Variants in FBXL13 observed in about 807,000 individuals in gnomAD.
The protein encoded by FBXL13 is F-box and leucine-rich repeat protein 13.
A neutral mutation model predicts 83.6 loss-of-function variants in FBXL13; 67 were observed. The ratio of observed to expected loss-of-function variants is 0.80; its 90% CI spans 0.66 to 0.98. The LOEUF (loss-of-function observed/expected upper bound fraction) is 0.98, where lower values mean the gene tolerates loss of function less well. FBXL13 is among the 50% of genes least tolerant of loss of function. FBXL13 has a pLI of 0.00. For missense variants in FBXL13, 822 were observed against 866.5 expected, an observed-to-expected ratio of 0.95 and a Z score of 0.64; for synonymous variants, 272 against 299.5, an observed-to-expected ratio of 0.91 and a Z score of 0.95.
At chr7:102,875,861 G>A (rs1809170978) in intron 16 of FBXL13, among the ~76,000 whole-genome samples, 1 of 152,180 alleles carries the variant, frequency 6.6e-6, no homozygotes, top group South Asian at 2.1e-4. Flanking sequence ...CAGCAGGCCT[G>A]TGGTTCAGAG....
chr7:103,031,940 A>G (rs1248363936), intron 2 of FBXL13, among the ~76,000 whole-genome samples: 1 of 152,214 alleles, frequency 6.6e-6, no homozygotes, highest in Non-Finnish European at 1.5e-5. Flanking sequence ...CTCTCTAGGA[A>G]TTACTGCTGT....
chr7:102,813,311 A>AT, exon 20 of FBXL13: 1 of 1,564,192 alleles, frequency 6.4e-7, no homozygotes, highest in Non-Finnish European at 8.6e-7. Flanking sequence ...CAAGTTCTTG[A>AT]TTTTTTGTTC....
chr7:102,843,641 T>A (rs1236218390), intron 17 of FBXL13, among the ~76,000 whole-genome samples: 3 of 151,870 alleles, frequency 2.0e-5, no homozygotes, highest in Admixed American at 2.0e-4. Context: ...CCAGACATGG[T>A]CGTGGGCACC....
intron 10 of FBXL13, among the ~76,000 whole-genome samples, chr7:102,921,881 A>G (rs1168823352): frequency 6.6e-6 from 1 of 151,812 alleles, no homozygotes; most frequent in Non-Finnish European, 1.5e-5. Context: ...TAGAACCAAA[A>G]ATTTTGCTCT....
chr7:103,072,379 G>T (rs943036428), intron 1 of FBXL13, among the ~76,000 whole-genome samples: 1 of 152,150 alleles, frequency 6.6e-6, no homozygotes, highest in Non-Finnish European at 1.5e-5. Flanking sequence ...GTGAGTGAAG[G>T]ACTCCTCAGG....
intron 11 of FBXL13, among the ~76,000 whole-genome samples, chr7:102,910,211 C>T (rs1814419263): frequency 6.6e-6 from 1 of 152,056 alleles, no homozygotes; most frequent in African/African-American, 2.4e-5. Context: ...GTGTATTTTC[C>T]CTTCCCCAGC....
intron 6 of FBXL13, chr7:102,978,378 C>A (rs942145386): frequency 6.6e-6 from 1 of 152,304 alleles, no homozygotes; most frequent in Non-Finnish European, 1.5e-5. Flanking sequence ...CCTCCCTTCT[C>A]AGGCCCAGTC....
intron 6 of FBXL13, among the ~76,000 whole-genome samples, chr7:102,992,475 C>T (rs1370101717): frequency 6.6e-6 from 1 of 152,170 alleles, no homozygotes; most frequent in Middle Eastern, 3.2e-3. Context: ...GTGGCTGCCT[C>T]TTACTGGGGT....
intron 6 of FBXL13, chr7:102,973,630 C>G (rs922993841): frequency 1.3e-6 from 1 of 766,168 alleles, no homozygotes. Flanking sequence ...GGTGCCGAAA[C>G]CCGGGAGGGG....
chr7:103,040,367 A>T (rs1795535827), intron 2 of FBXL13, among the ~76,000 whole-genome samples: 1 of 152,148 alleles, frequency 6.6e-6, no homozygotes, highest in South Asian at 2.1e-4. Flanking sequence ...CTCCCACACC[A>T]TAATAATGGG....
chr7:102,854,747 T>G, intron 17 of FBXL13, 30 bp downstream of exon 18: 1 of 1,352,758 alleles, frequency 7.4e-7, no homozygotes, highest in Admixed American at 2.4e-5. Flanking sequence ...TCAATCTTAA[T>G]TCTTTAACAG....
At chr7:102,845,314 A>T (rs965074528) in intron 17 of FBXL13, among the ~76,000 whole-genome samples, 2 of 152,212 alleles carry the variant, frequency 1.3e-5, no homozygotes, top group Non-Finnish European at 2.9e-5. Flanking sequence ...ATCAGGAACC[A>T]TGGTCAAAGA....
At chr7:102,953,268 G>A (rs984861656) in intron 8 of FBXL13, among the ~76,000 whole-genome samples, 2 of 151,900 alleles carry the variant, frequency 1.3e-5, no homozygotes, top group African/African-American at 2.4e-5. Context: ...TATTAGCAAA[G>A]AGAATCCAGC....
chr7:102,902,040 C>T (rs1019843290), intron 11 of FBXL13, among the ~76,000 whole-genome samples: 1 of 152,176 alleles, frequency 6.6e-6, no homozygotes, highest in African/African-American at 2.4e-5. Context: ...TACTAATTTA[C>T]ATTCCCACCA....
At chr7:103,027,340 G>T in intron 5 of FBXL13, 109 bp downstream of exon 6, 1 of 670,804 alleles carries the variant, frequency 1.5e-6, no homozygotes, top group Non-Finnish European at 2.5e-6. Context: ...ATCAAAAGTA[G>T]ATAATATTCA....
chr7:102,881,575 T>G (rs12670505), intron 14 of FBXL13, among the ~76,000 whole-genome samples: 23,509 of 143,862 alleles, frequency 0.16, 2,330 homozygotes, highest in East Asian at 0.34. Context: ...TGTGTGTGTG[T>G]GGGGGGGGTG....
At chr7:103,008,059 A>T (rs1208469522) in intron 6 of FBXL13, among the ~76,000 whole-genome samples, 1 of 152,196 alleles carries the variant, frequency 6.6e-6, no homozygotes, top group Non-Finnish European at 1.5e-5. Context: ...GAAGAAGTCA[A>T]CTGCCCAAAT....
intron 11 of FBXL13, 138 bp from the exon 13 acceptor site, chr7:102,884,450 A>G: frequency 1.6e-6 from 1 of 622,250 alleles, no homozygotes; most frequent in South Asian, 2.0e-5. Context: ...CACAAGAGGG[A>G]AAGAATCTAG....
chr7:102,984,572 C>T (rs1828709830), intron 6 of FBXL13, among the ~76,000 whole-genome samples: 1 of 152,120 alleles, frequency 6.6e-6, no homozygotes. Flanking sequence ...AAAGGCAGTT[C>T]ATTCATTCTT....
Sources: allele counts gnomAD v4.1 joint callset (sites outside exome capture counted in the v4.1 genomes callset), GRCh38; gene constraint gnomAD v4.1.1; transcripts MANE v1.5; gene names NCBI Gene and HGNC (gene_info 2026-07-23, HGNC 2026-07-21).